Variants in CACNA1D observed in about 807,000 individuals in gnomAD.
The protein encoded by CACNA1D is calcium voltage-gated channel subunit alpha1 D.
In CACNA1D, 55 loss-of-function variants were observed where a neutral mutation model predicts 257.1. That is an observed-to-expected ratio of 0.21 (90% confidence interval 0.17 to 0.27). The LOEUF (loss-of-function observed/expected upper bound fraction) is 0.27, where lower values mean the gene tolerates loss of function less well. CACNA1D is among the 10% of genes least tolerant of loss of function. The pLI is 1.00. For synonymous variants in CACNA1D, 980 were observed against 1,014.9 expected (o/e 0.97, Z 0.65); for missense variants, 1,876 against 2,784.0 (o/e 0.67, Z 7.34).
chr3:53,729,692 A>C (rs1322288482), intron 15 of CACNA1D, among the ~76,000 whole-genome samples: 4 of 152,224 alleles, frequency 2.6e-5, no homozygotes, highest in African/African-American at 9.7e-5. Flanking sequence ...TCAGTCACCT[A>C]ACCTTTTATT....
intron 8 of CACNA1D, among the ~76,000 whole-genome samples, chr3:53,680,423 A>T (rs762677776): frequency 5.3e-4 from 80 of 151,840 alleles, no homozygotes; most frequent in Middle Eastern, 3.4e-3. Flanking sequence ...GCCCTCCTGG[A>T]TGCTCGTTTT....
rs1188233630 is a variant in CACNA1D, at chr3:53,520,902, T to C, written c.483+19182T>C. On this transcript the variant is annotated intron_variant, in intron 3 of 47. Coordinates refer to ENST00000350061, the MANE Select transcript of CACNA1D (RefSeq NM_001128840.3). ...TCTTTCTTTCTTTCTTTCTTTTCTTTTCTTTTCTTTTCTTTTTCTTTCTTT... is the reference window on the plus strand; with the variant it reads ...TCTTTCTTTCTTTCTTTCTTTTCTTCTCTTTTCTTTTCTTTTTCTTTCTTT... Among the ~76,000 whole-genome samples the C allele has an allele frequency of 8.2e-5, 10 of 122,264 alleles. No individual in the cohort carries two copies. The South Asian group carries it at 2.8e-3, about 34-fold the overall frequency. The allele number at this position is 122,264 out of a possible 152,430, so 80.2% of individuals were successfully genotyped here.
intron 9 of CACNA1D, among the ~76,000 whole-genome samples, chr3:53,704,810 C>T (rs1178141437): frequency 6.6e-6 from 1 of 152,210 alleles, no homozygotes; most frequent in Non-Finnish European, 1.5e-5. Flanking sequence ...AGCTGTGTCC[C>T]CCAGGGAGCT....
chr3:53,594,389 C>T (rs2093345238), intron 3 of CACNA1D, among the ~76,000 whole-genome samples: 1 of 152,174 alleles, frequency 6.6e-6, no homozygotes, highest in African/African-American at 2.4e-5. Flanking sequence ...TTCCACTAGC[C>T]AATTCAGTCC....
chr3:53,662,316 G>C (rs1023053500), intron 5 of CACNA1D, among the ~76,000 whole-genome samples: 1 of 152,250 alleles, frequency 6.6e-6, no homozygotes, highest in Non-Finnish European at 1.5e-5. Flanking sequence ...GGGAGAATGG[G>C]CAGGAACCGA....
At chr3:53,576,505 G>A (rs2093040813) in intron 3 of CACNA1D, among the ~76,000 whole-genome samples, 1 of 152,170 alleles carries the variant, frequency 6.6e-6, no homozygotes, top group Non-Finnish European at 1.5e-5. Context: ...TCCTCCATCA[G>A]ACTAATAGTT....
chr3:53,595,531 C>T (rs2093358990), intron 3 of CACNA1D, among the ~76,000 whole-genome samples: 1 of 152,112 alleles, frequency 6.6e-6, no homozygotes, highest in Admixed American at 6.6e-5. Flanking sequence ...CCAGCTGGCC[C>T]CGGGAACTAT....
In CACNA1D at chr3:53,774,723, G is replaced by C. The variant is rs35157812; in HGVS notation, c.4202+45G>C. On this transcript the variant is annotated intron_variant, in intron 34 of 47. Coordinates refer to ENST00000350061, the MANE Select transcript of CACNA1D (RefSeq NM_001128840.3). This position sits in a 1 kb window ranked among gnomAD's most constrained non-coding sequence, Gnocchi z 4.3. ...GCGGTGCTCCTGGGCAGGGGGGTCC[G>C]CTAGGCGTGGGTCCAGAGGGACGGA... 4 of 1,113,906 alleles carry C rather than the reference G, an allele frequency of 3.6e-6. No individual in the cohort carries two copies. The East Asian group carries it at 9.4e-5, about 26-fold the overall frequency. 69.0% of individuals were successfully genotyped at this position (1,113,906 alleles called of 1,614,324 possible). A position where few individuals can be genotyped will look rare whatever the true frequency, so the allele number is the denominator to read the frequency against.
intron 3 of CACNA1D, among the ~76,000 whole-genome samples, 183 bp downstream of exon 3, chr3:53,501,903 C>G (rs909376191): frequency 6.6e-6 from 1 of 151,786 alleles, no homozygotes; most frequent in Admixed American, 6.6e-5. Context: ...CAAATTTATA[C>G]TGACTGAAAG....
At chr3:53,496,740 G>A (rs1194180683) in intron 1 of CACNA1D, among the ~76,000 whole-genome samples, 1 of 152,090 alleles carries the variant, frequency 6.6e-6, no homozygotes, top group East Asian at 1.9e-4. Context: ...CCTTGGTGAT[G>A]GTGGTAGTTA....
At chr3:53,542,687 C>T (rs2092324215) in intron 3 of CACNA1D, among the ~76,000 whole-genome samples, 1 of 152,046 alleles carries the variant, frequency 6.6e-6, no homozygotes, top group Admixed American at 6.6e-5. Flanking sequence ...GTTTACTTAC[C>T]AATAGACAGG....
intron 3 of CACNA1D, among the ~76,000 whole-genome samples, chr3:53,507,550 C>A (rs2090910278): frequency 6.6e-6 from 1 of 151,682 alleles, no homozygotes. Flanking sequence ...CCTGGGAGGT[C>A]AAGACTATAG....
intron 9 of CACNA1D, among the ~76,000 whole-genome samples, chr3:53,705,311 G>A (rs2094675514): frequency 6.6e-6 from 1 of 152,148 alleles, no homozygotes; most frequent in Admixed American, 6.5e-5. Flanking sequence ...GCACAAACAA[G>A]GTGTGCGAAG....
chr3:53,798,336 T>C (rs1243321840), intron 40 of CACNA1D, among the ~76,000 whole-genome samples: 3 of 147,572 alleles, frequency 2.0e-5, no homozygotes, highest in East Asian at 4.1e-4. Context: ...TGCGTGTGTG[T>C]GCGTGTGTGT....
chr3:53,740,875 C>G (rs1026553813), intron 21 of CACNA1D, among the ~76,000 whole-genome samples: 3 of 152,124 alleles, frequency 2.0e-5, no homozygotes, highest in African/African-American at 7.2e-5. Context: ...CTTTTTGTTT[C>G]TCTGACTGCA....
intron 6 of CACNA1D, 60 bp downstream of exon 6, chr3:53,665,872 A>ACTTT: frequency 7.3e-7 from 1 of 1,362,458 alleles, no homozygotes; most frequent in Non-Finnish European, 1.0e-6. Flanking sequence ...CCCCAAAGCA[A>ACTTT]CTTTCATGGT....
At chr3:53,731,030 A>C (rs1454493212) in intron 16 of CACNA1D, 47 bp from the exon 17 acceptor site, 1 of 1,138,556 alleles carries the variant, frequency 8.8e-7, no homozygotes, top group African/African-American at 1.5e-5. Flanking sequence ...TTTTATACAG[A>C]GTAACATGGT....
In CACNA1D at chr3:53,752,694, G is replaced by A. The variant is rs532702144; in HGVS notation, c.3675+787G>A. Among the ~76,000 whole-genome samples, 16 of 152,256 alleles carry A rather than the reference G, an allele frequency of 1.1e-4. No individual in the cohort carries two copies. The East Asian group carries it at 2.1e-3, about 20-fold the overall frequency. On this transcript the variant is annotated intron_variant, in intron 28 of 47. Coordinates refer to ENST00000350061, the MANE Select transcript of CACNA1D (RefSeq NM_001128840.3). The stretch of plus-strand genomic sequence containing the variant: ...ATTACAGGCGTGAGCCACCGCGCCC[G>A]GCACCTTTGGACACTTTGATCTGGG...
chr3:53,566,547 T>A (rs1481877333), intron 3 of CACNA1D, among the ~76,000 whole-genome samples: 1 of 152,120 alleles, frequency 6.6e-6, no homozygotes, highest in East Asian at 1.9e-4. Flanking sequence ...CCTCCCTCGC[T>A]TCCCCTCCCC....
Sources: allele counts gnomAD v4.1 joint callset (sites outside exome capture counted in the v4.1 genomes callset), GRCh38; gene constraint gnomAD v4.1.1; non-coding constraint Gnocchi (gnomAD v3.1); transcripts MANE v1.5; gene names NCBI Gene and HGNC (gene_info 2026-07-23, HGNC 2026-07-21).